Variants in AFF3 observed in about 807,000 individuals in gnomAD.
AFF3 encodes AF4/FMR2 family member 3.
A neutral mutation model predicts 129.7 loss-of-function variants in AFF3; 32 were observed. The ratio of observed to expected loss-of-function variants is 0.25; its 90% CI spans 0.19 to 0.33. The LOEUF is 0.33. AFF3 is among the 10% of genes least tolerant of loss of function. AFF3 has a pLI of 1.00. For missense variants in AFF3, 1,373 were observed against 1,592.0 expected (o/e 0.86, Z 2.34); for synonymous variants, 644 against 635.4 (o/e 1.01, Z -0.20).
At chr2:99,759,501 GTTGAA>G (rs976619588) in intron 8 of AFF3, among the ~76,000 whole-genome samples, 6 of 152,140 alleles carry the variant, frequency 3.9e-5, no homozygotes, top group African/African-American at 1.4e-4. Context: ...ATATAAACTT[GTTGAA>G]TTGAACTGAA....
chr2:99,673,279 T>C lies in AFF3; in HGVS notation c.1092-690A>G, dbSNP rs182033213. On this transcript the variant is annotated intron_variant, in intron 11 of 24. Coordinates refer to ENST00000672756, the MANE Select transcript of AFF3 (RefSeq NM_001386135.1). ...TCAGTCAAAGAGCTGGAAAAGATGT[T>C]GTCCCCAAGATCCTACCTAGTGGGG... 6.6e-3 allele frequency among the ~76,000 whole-genome samples: 1,005 copies of C among 152,206 alleles called. 4 individuals are homozygous for C. Among genetic ancestry groups the C allele is most frequent in the Non-Finnish European group, 0.01 (684 of 68,014 alleles).
At chr2:100,139,086 G>A (rs977167106) in intron 1 of AFF3, among the ~76,000 whole-genome samples, 5 of 152,092 alleles carry the variant, frequency 3.3e-5, no homozygotes, top group African/African-American at 7.2e-5. Context: ...GATGAAGGGC[G>A]GAAGGGAAGT....
chr2:99,869,736 A>G (rs1053839977), intron 7 of AFF3, among the ~76,000 whole-genome samples: 5 of 152,190 alleles, frequency 3.3e-5, no homozygotes, highest in Admixed American at 2.6e-4. Flanking sequence ...AAACCAAAGT[A>G]TAACTACAAA....
At chr2:99,827,935 G>A (rs1007180241) in intron 8 of AFF3, among the ~76,000 whole-genome samples, 1 of 152,076 alleles carries the variant, frequency 6.6e-6, no homozygotes, top group African/African-American at 2.4e-5. Flanking sequence ...TCTCTCTGGG[G>A]ACAGAGAAGG....
chr2:99,565,771 T>TA, intron 19 of AFF3, 148 bp from the exon 20 acceptor site: 1 of 908,728 alleles, frequency 1.1e-6, no homozygotes, highest in Non-Finnish European at 1.6e-6. Context: ...AGAATACTTC[T>TA]TTTCCTACTT....
At chr2:99,977,744 A>G (rs766955440) in intron 7 of AFF3, among the ~76,000 whole-genome samples, 5 of 152,184 alleles carry the variant, frequency 3.3e-5, no homozygotes, top group Non-Finnish European at 7.4e-5. Flanking sequence ...GGGGACACAC[A>G]AGGAGCTGGA....
At chr2:99,774,380 G>A (rs1342411995) in intron 8 of AFF3, among the ~76,000 whole-genome samples, 1 of 152,066 alleles carries the variant, frequency 6.6e-6, no homozygotes, top group Admixed American at 6.6e-5. Context: ...CATGGTACTG[G>A]TACAAGAACA....
intron 10 of AFF3, among the ~76,000 whole-genome samples, chr2:99,730,184 A>G (rs144717257): frequency 5.3e-4 from 80 of 152,214 alleles, no homozygotes; most frequent in African/African-American, 1.9e-3. Context: ...CTGCAGTGGG[A>G]AAAGATGCTT....
intron 7 of AFF3, among the ~76,000 whole-genome samples, chr2:99,950,031 C>T (rs1675995439): frequency 6.6e-6 from 1 of 152,154 alleles, no homozygotes. Context: ...TCACTCTACT[C>T]TTCTATTTTC....
intron 7 of AFF3, among the ~76,000 whole-genome samples, chr2:99,852,157 T>C (rs1475427210): frequency 6.6e-6 from 1 of 152,150 alleles, no homozygotes; most frequent in African/African-American, 2.4e-5. Context: ...GGGGCTTATT[T>C]TTCATGATCA....
rs577067561 is a variant in AFF3, at chr2:100,098,845, C to A, written c.53+5557G>T. 1.8e-5 allele frequency among the ~76,000 whole-genome samples: 2 copies of A among 109,250 alleles called. 1 individual carries two copies. The highest frequency in any genetic ancestry group is 3.9e-5 in the Non-Finnish European group (2 of 51,024). The allele number at this position is 109,250 out of a possible 152,430, so 71.7% of individuals were successfully genotyped here. ...AGCTTTCTCCAAAACACACCCCACA[C>A]GAGGGCTGAGCTCCTCCACAGCGGA... On this transcript the variant is annotated intron_variant, in intron 4 of 24. Coordinates refer to ENST00000672756, the MANE Select transcript of AFF3 (RefSeq NM_001386135.1).
intron 8 of AFF3, among the ~76,000 whole-genome samples, chr2:99,762,618 T>A (rs956924065): frequency 6.6e-6 from 1 of 152,228 alleles, no homozygotes; most frequent in Non-Finnish European, 1.5e-5. Flanking sequence ...TAATTGAACT[T>A]CTCTGTAAGT....
chr2:99,791,208 T>A (rs147426937), intron 8 of AFF3, among the ~76,000 whole-genome samples: 175 of 152,270 alleles, frequency 1.1e-3, no homozygotes, highest in African/African-American at 4.1e-3. Flanking sequence ...GGAAATGTGT[T>A]GAAAATTAGT....
intron 7 of AFF3, among the ~76,000 whole-genome samples, chr2:99,997,756 G>C (rs1218538385): frequency 6.6e-6 from 1 of 152,036 alleles, no homozygotes; most frequent in South Asian, 2.1e-4. Flanking sequence ...TATCCCAGGC[G>C]AGGAGGCACA....
chr2:99,769,236 A>T (rs1357112775), intron 8 of AFF3, among the ~76,000 whole-genome samples: 2 of 152,128 alleles, frequency 1.3e-5, no homozygotes, highest in Non-Finnish European at 2.9e-5. Flanking sequence ...CCTGTCTTCA[A>T]GCTCACTAAT....
intron 4 of AFF3, among the ~76,000 whole-genome samples, chr2:100,040,219 C>T (rs1486221153): frequency 6.6e-6 from 1 of 152,120 alleles, no homozygotes; most frequent in African/African-American, 2.4e-5. Flanking sequence ...TGCTTACAAC[C>T]TACCCTGTTA....
chr2:99,642,712 T>C (rs894799781), intron 13 of AFF3, among the ~76,000 whole-genome samples: 48 of 152,302 alleles, frequency 3.2e-4, no homozygotes, highest in African/African-American at 1.1e-3. Context: ...AGCTGCTCTA[T>C]TGGTGCTTGA....
intron 7 of AFF3, among the ~76,000 whole-genome samples, chr2:99,938,580 A>G (rs891762760): frequency 3.9e-5 from 6 of 152,218 alleles, no homozygotes; most frequent in Non-Finnish European, 7.3e-5. Context: ...CATCAAAATC[A>G]GTAGGCTTTG....
intron 7 of AFF3, among the ~76,000 whole-genome samples, chr2:99,956,476 G>C (rs1198850288): frequency 3.3e-5 from 5 of 152,158 alleles, no homozygotes; most frequent in African/African-American, 1.2e-4. Flanking sequence ...CATAACTTAA[G>C]CATAAGCTGA....
Sources: allele counts gnomAD v4.1 joint callset (sites outside exome capture counted in the v4.1 genomes callset), GRCh38; gene constraint gnomAD v4.1.1; transcripts MANE v1.5; gene names NCBI Gene and HGNC (gene_info 2026-07-23, HGNC 2026-07-21).